Variants in AFG2A observed in about 807,000 individuals in gnomAD.
The protein encoded by AFG2A is AAA ATPase AFG2A, also known as ATPase family gene 2 protein homolog A.
the AFG2A span, among the ~76,000 whole-genome samples, chr4:123,212,338 C>T: frequency 6.6e-6 from 1 of 152,124 alleles, no homozygotes; most frequent in Non-Finnish European, 1.5e-5. Flanking sequence ...CACCCCTCTA[C>T]ACAGATCACG....
chr4:123,299,351 C>A, the AFG2A span, among the ~76,000 whole-genome samples: 1 of 152,132 alleles, frequency 6.6e-6, no homozygotes, highest in Non-Finnish European at 1.5e-5. Flanking sequence ...TAGTTGCCAG[C>A]ATGCTAAAAT....
At chr4:123,067,111 C>T in the AFG2A span, among the ~76,000 whole-genome samples, 6 of 152,080 alleles carry the variant, frequency 3.9e-5, no homozygotes, top group Admixed American at 1.3e-4. Context: ...TTACATTTTA[C>T]GTGTACCATG....
At chr4:123,012,230 G>A in the AFG2A span, among the ~76,000 whole-genome samples, 1,521 of 143,820 alleles carry the variant, frequency 0.011, 34 homozygotes, top group African/African-American at 0.037. Flanking sequence ...GAGAAAGGGT[G>A]GGAGGTGCTT....
the AFG2A span, among the ~76,000 whole-genome samples, chr4:122,983,476 T>C: frequency 6.6e-6 from 1 of 152,204 alleles, no homozygotes; most frequent in Non-Finnish European, 1.5e-5. Flanking sequence ...CTACTTTTGC[T>C]GTATCAAAGT....
At chr4:123,260,581 A>G in the AFG2A span, among the ~76,000 whole-genome samples, 2 of 152,232 alleles carry the variant, frequency 1.3e-5, no homozygotes, top group African/African-American at 4.8e-5. Flanking sequence ...AGAAGGAGCA[A>G]TTATAGCCAC....
the AFG2A span, among the ~76,000 whole-genome samples, chr4:123,183,296 A>C: frequency 6.6e-6 from 1 of 152,236 alleles, no homozygotes; most frequent in Non-Finnish European, 1.5e-5. Flanking sequence ...AGATTAAATG[A>C]AATAATATAA....
chr4:123,037,403 T>C, the AFG2A span, among the ~76,000 whole-genome samples: 1 of 152,100 alleles, frequency 6.6e-6, no homozygotes, highest in East Asian at 1.9e-4. Context: ...AAAGTAATGC[T>C]ATTAAAAATA....
At chr4:123,273,627 A>G in the AFG2A span, among the ~76,000 whole-genome samples, 3 of 152,154 alleles carry the variant, frequency 2.0e-5, no homozygotes, top group Admixed American at 6.5e-5. Context: ...TCCAAAATCC[A>G]AAACTTTTTG....
the AFG2A span, among the ~76,000 whole-genome samples, chr4:123,007,666 C>CACACACATAT: frequency 9.9e-3 from 1,253 of 126,290 alleles, 49 homozygotes; most frequent in African/African-American, 0.035. Flanking sequence ...CACACACACA[C>CACACACATAT]ATATATGGAC....
the AFG2A span, among the ~76,000 whole-genome samples, chr4:122,938,670 A>C: frequency 2.6e-5 from 4 of 152,268 alleles, no homozygotes; most frequent in East Asian, 7.7e-4. Flanking sequence ...AGCTAACTGC[A>C]ACCTCCACCT....
chr4:122,944,875 G>A, the AFG2A span, among the ~76,000 whole-genome samples: 4 of 152,204 alleles, frequency 2.6e-5, no homozygotes, highest in Admixed American at 1.3e-4. Context: ...TCAGCTGCAG[G>A]TCTGTTGGAG....
At chr4:123,008,876 G>T in the AFG2A span, among the ~76,000 whole-genome samples, 1 of 152,150 alleles carries the variant, frequency 6.6e-6, no homozygotes, top group Non-Finnish European at 1.5e-5. Context: ...TTTCTTTAAT[G>T]TCCTGGGTTG....
At chr4:123,088,692 C>T in the AFG2A span, among the ~76,000 whole-genome samples, 5 of 152,128 alleles carry the variant, frequency 3.3e-5, no homozygotes, top group Admixed American at 1.3e-4. Flanking sequence ...ATGATTTAAA[C>T]GTGTGTGGCA....
At chr4:123,023,773 C>T in the AFG2A span, among the ~76,000 whole-genome samples, 12 of 152,022 alleles carry the variant, frequency 7.9e-5, no homozygotes. Flanking sequence ...GGTTAGGCTA[C>T]AGCTTCAATA....
At chr4:123,296,175 CAA>C in the AFG2A span, among the ~76,000 whole-genome samples, 4 of 121,508 alleles carry the variant, frequency 3.3e-5, no homozygotes, top group Admixed American at 8.3e-5. Flanking sequence ...AGTACTTGTT[CAA>C]AAAAAAAAAA....
the AFG2A span, among the ~76,000 whole-genome samples, chr4:123,047,171 C>T: frequency 6.6e-6 from 1 of 152,144 alleles, no homozygotes; most frequent in African/African-American, 2.4e-5. Flanking sequence ...AGGAACCTCC[C>T]CACTGCTTTC....
At chr4:123,250,915 A>G in the AFG2A span, among the ~76,000 whole-genome samples, 3 of 152,160 alleles carry the variant, frequency 2.0e-5, no homozygotes, top group Non-Finnish European at 4.4e-5. Context: ...AATTCTAGGA[A>G]GGGTGTTTAC....
At chr4:123,241,208 G>A in the AFG2A span, among the ~76,000 whole-genome samples, 1 of 152,216 alleles carries the variant, frequency 6.6e-6, no homozygotes, top group African/African-American at 2.4e-5. Context: ...TAGGTACAAA[G>A]AGGAGCTGTT....
chr4:123,059,270 A>G, the AFG2A span, among the ~76,000 whole-genome samples: 1 of 151,528 alleles, frequency 6.6e-6, no homozygotes, highest in Non-Finnish European at 1.5e-5. Flanking sequence ...GTCATTTAGC[A>G]TTAGGTATAT....
Sources: allele counts gnomAD v4.1 joint callset (sites outside exome capture counted in the v4.1 genomes callset), GRCh38; gene constraint gnomAD v4.1.1; transcripts MANE v1.5; gene names NCBI Gene and HGNC (gene_info 2026-07-23, HGNC 2026-07-21).